Variants in VPS13B observed in about 807,000 individuals in gnomAD.
The protein encoded by VPS13B is intermembrane lipid transfer protein VPS13B.
Under a neutral mutation model 426.4 loss-of-function variants are expected in VPS13B, and 285 were observed. That is an observed-to-expected ratio of 0.67 (90% CI 0.61 to 0.74). The LOEUF is 0.74. Among genes scored for constraint, VPS13B ranks in the 30% least tolerant of loss-of-function variants. The probability of loss-of-function intolerance (pLI) is 0.00; values close to 1 mark genes in which losing one functional copy is unlikely to be tolerated. For synonymous variants in VPS13B, 1,676 were observed against 1,676.4 expected, an observed-to-expected ratio of 1.00 and a Z score of 0.01; for missense variants, 4,537 against 4,782.6, an observed-to-expected ratio of 0.95 and a Z score of 1.51.
Position 99,821,404 on chromosome 8 carries a change from T to C in VPS13B, c.9105T>C (p.Asn3035=). 1 of 1,613,828 alleles carries C rather than the reference T, an allele frequency of 6.2e-7. No homozygotes were observed. Among genetic ancestry groups the C allele is most frequent in the African/African-American group, 1.3e-5 (1 of 75,002 alleles). Residue 3035 remains asparagine, a synonymous_variant, in exon 50 of 62, where the codon AAT becomes AAC. Coordinates refer to ENST00000357162, the MANE Select transcript of VPS13B (RefSeq NM_152564.5). ...CTCCAAAGTGGAAAGATGGAGGTAA[T>C]GGTGAAGTTGTGACACTGGATGAAG... is the stretch of plus-strand genomic sequence containing the variant. ...LTSPKWKDGG[N]GEVVTLDEEA...
chr8:99,477,951 T>A, intron 24 of VPS13B, among the ~76,000 whole-genome samples: 1 of 152,124 alleles, frequency 6.6e-6, no homozygotes, highest in East Asian at 1.9e-4. Context: ...TCTCAGACCC[T>A]AAATACTATG....
intron 2 of VPS13B, among the ~76,000 whole-genome samples, chr8:99,028,027 G>C (rs990971031): frequency 1.3e-5 from 2 of 152,160 alleles, no homozygotes; most frequent in African/African-American, 4.8e-5. Context: ...ACAGGGTTGG[G>C]GGTAAGATCA....
At chr8:99,830,029 C>A in intron 51 of VPS13B, among the ~76,000 whole-genome samples, 1 of 152,214 alleles carries the variant, frequency 6.6e-6, no homozygotes, top group East Asian at 1.9e-4. Flanking sequence ...TATGAGGTGT[C>A]TGTCAACCCC....
intron 3 of VPS13B, among the ~76,000 whole-genome samples, chr8:99,064,812 T>C (rs1046831030): frequency 6.6e-6 from 1 of 152,160 alleles, no homozygotes; most frequent in Non-Finnish European, 1.5e-5. Flanking sequence ...ATTGTCAGAT[T>C]CACCAAGGTT....
chr8:99,242,476 T>C (rs1204390600), intron 17 of VPS13B, among the ~76,000 whole-genome samples: 1 of 152,220 alleles, frequency 6.6e-6, no homozygotes. Flanking sequence ...TGTCTCATTT[T>C]ATATGTATAG....
chr8:99,755,280 T>A (rs1333807354), intron 39 of VPS13B, among the ~76,000 whole-genome samples: 6 of 152,142 alleles, frequency 3.9e-5, no homozygotes, highest in Non-Finnish European at 8.8e-5. Context: ...GGAGGCTTAT[T>A]GGTTCCAGAC....
intron 3 of VPS13B, among the ~76,000 whole-genome samples, chr8:99,091,088 A>G (rs1846121773): frequency 6.6e-6 from 1 of 152,186 alleles, no homozygotes; most frequent in African/African-American, 2.4e-5. Flanking sequence ...GCATAGTTTA[A>G]TAGTTTGATT....
intron 16 of VPS13B, among the ~76,000 whole-genome samples, chr8:99,186,714 T>C (rs1410416542): frequency 1.3e-5 from 2 of 152,120 alleles, no homozygotes; most frequent in African/African-American, 4.8e-5. Flanking sequence ...AGCTGAAAAA[T>C]AAACCACAAA....
At chr8:99,771,817 A>C (rs1453157893) in intron 40 of VPS13B, among the ~76,000 whole-genome samples, 1 of 152,302 alleles carries the variant, frequency 6.6e-6, no homozygotes, top group South Asian at 2.1e-4. Flanking sequence ...TAAGCCATTT[A>C]TACATAAATC....
chr8:99,515,395 T>C (rs574273060), intron 29 of VPS13B, among the ~76,000 whole-genome samples: 1 of 148,984 alleles, frequency 6.7e-6, no homozygotes, highest in Non-Finnish European at 1.5e-5. Context: ...TGCTGCTGCT[T>C]CTGCTTCCTC....
intron 19 of VPS13B, among the ~76,000 whole-genome samples, chr8:99,280,338 C>A (rs184335041): frequency 6.6e-6 from 1 of 152,150 alleles, no homozygotes; most frequent in Non-Finnish European, 1.5e-5. Flanking sequence ...TCCCAAGCCA[C>A]TCAATTTAAT....
At chr8:99,793,023 T>C (rs1054753695) in intron 43 of VPS13B, among the ~76,000 whole-genome samples, 24 of 146,304 alleles carry the variant, frequency 1.6e-4, no homozygotes, top group Admixed American at 9.6e-4. Flanking sequence ...CTGGGCAATA[T>C]GGCAAGATCC....
chr8:99,418,253 T>A (rs1162550485), intron 21 of VPS13B, among the ~76,000 whole-genome samples: 2 of 152,026 alleles, frequency 1.3e-5, no homozygotes, highest in East Asian at 3.9e-4. Flanking sequence ...TAGGGGATAG[T>A]TTAATTTTCC....
chr8:99,842,715 AAAT>A (rs980867144), intron 54 of VPS13B, among the ~76,000 whole-genome samples: 8 of 152,222 alleles, frequency 5.3e-5, no homozygotes, highest in African/African-American at 1.7e-4. Flanking sequence ...TGTTACATAT[AAAT>A]AATCATTCAA....
In VPS13B at chr8:99,467,462, C is replaced by G; in HGVS notation, c.3494C>G (p.Thr1165Ser). 6.2e-7 allele frequency: 1 copy of G among 1,613,698 alleles called. No homozygotes were observed. Residue 1165 changes from threonine to serine, a missense_variant, in exon 24 of 62, where the codon ACC (threonine) becomes AGC (serine). Physicochemically the swap from Thr to Ser is moderately conservative, Grantham distance 58 (BLOSUM62 1). Transcript: ENST00000357162. Reference sequence around the variant, plus strand: ...AGCTTGCATAATTTCAGCATATATACCCTTCTTGGAAAACAAGTGACACTT... The same window carrying G: ...AGCTTGCATAATTTCAGCATATATAGCCTTCTTGGAAAACAAGTGACACTT... ...TISLHNFSIY[T>S]LLGKQVTLCL...
chr8:99,223,580 C>T (rs750182291), intron 17 of VPS13B, among the ~76,000 whole-genome samples: 8 of 152,128 alleles, frequency 5.3e-5, no homozygotes, highest in Non-Finnish European at 8.8e-5. Context: ...CTGACAGTGT[C>T]TGACCTCTTA....
At position 99,493,737 on chromosome 8, in the gene VPS13B, G is replaced by A. The variant is rs1194539084; in HGVS notation, c.3871-7950G>A. Reference sequence around the variant, plus strand: ...GCGGAGGTTGCAGTGAGCTGAGATCGTGCCACTGTACTCCAGCCTGGGCGA... The same window carrying A: ...GCGGAGGTTGCAGTGAGCTGAGATCATGCCACTGTACTCCAGCCTGGGCGA... On this transcript the variant is annotated intron_variant, in intron 25 of 61. Coordinates refer to ENST00000357162, the MANE Select transcript of VPS13B (RefSeq NM_152564.5). Among the ~76,000 whole-genome samples the A allele has an allele frequency of 2.3e-4, 33 of 145,600 alleles. 1 individual carries two copies. Among genetic ancestry groups the A allele is most frequent in the African/African-American group, 7.9e-4 (31 of 39,032 alleles).
Position 99,577,477 on chromosome 8 carries a change from G to A in VPS13B, c.5077-13G>A, listed in dbSNP as rs376055963. ...CATGTTTCTTTATCTGTATTCTACC[G>A]TTTTTGCTTCAGGAGATTTTAGTGT... is the stretch of plus-strand genomic sequence containing the variant. On this transcript the variant is annotated splice_polypyrimidine_tract_variant and intron_variant, in intron 32 of 61. Coordinates refer to ENST00000357162, the MANE Select transcript of VPS13B (RefSeq NM_152564.5). 2.1e-5 allele frequency: 34 copies of A among 1,613,488 alleles called. No homozygotes were observed. The highest frequency in any genetic ancestry group is 4.5e-5 in the East Asian group (2 of 44,830).
At chr8:99,798,178 G>T (rs975775134) in intron 43 of VPS13B, among the ~76,000 whole-genome samples, 1 of 147,824 alleles carries the variant, frequency 6.8e-6, no homozygotes. Flanking sequence ...CCGTCCAGCC[G>T]CCATCAACTG....
Sources: gnomAD v4.1 joint callset for allele counts (sites outside exome capture counted in the v4.1 genomes callset) on GRCh38, gnomAD v4.1.1 for gene constraint, MANE v1.5 for transcripts, NCBI Gene and HGNC (gene_info 2026-07-23, HGNC 2026-07-21) for gene names.